The following TRPM8 variants were observed in gnomAD, a reference collection of about 807,000 sequenced individuals.
The protein encoded by TRPM8 is TRPM8 cationic channel.
In TRPM8, 110 loss-of-function variants were observed where a neutral mutation model predicts 133.7. The ratio of observed to expected loss-of-function variants is 0.82; its 90% CI spans 0.70 to 0.96. The LOEUF (loss-of-function observed/expected upper bound fraction) is 0.96, where lower values mean the gene tolerates loss of function less well. Among genes scored for constraint, TRPM8 ranks in the 40% least tolerant of loss-of-function variants. The probability of loss-of-function intolerance (pLI) is 0.00; values close to 1 mark genes in which losing one functional copy is unlikely to be tolerated. For missense variants in TRPM8, 1,291 were observed against 1,379.5 expected, an observed-to-expected ratio of 0.94 and a Z score of 1.02; for synonymous variants, 535 against 532.3, an observed-to-expected ratio of 1.01 and a Z score of -0.07.
chr2:233,960,889 C>T lies in TRPM8; in HGVS notation c.1476C>T (p.Val492=). ...TACGGAAGTTTCTCACCCATGATGT[C>T]CTCACTGAACTCTTCTCCAACCACT... is the stretch of plus-strand genomic sequence containing the variant. ...LNLRKFLTHD[V]LTELFSNHFS... Residue 492 remains valine, a synonymous_variant, in exon 12 of 26, where the codon GTC becomes GTT. Transcript: ENST00000324695. 6.2e-7 allele frequency: 1 copy of T among 1,614,172 alleles called. No individual in the cohort carries two copies. The highest frequency in any genetic ancestry group is 8.5e-7 in the Non-Finnish European group (1 of 1,180,048).
At chr2:233,961,805 T>C (rs1363137207) in intron 12 of TRPM8, among the ~76,000 whole-genome samples, 1 of 151,724 alleles carries the variant, frequency 6.6e-6, no homozygotes, top group Non-Finnish European at 1.5e-5. Flanking sequence ...AATTTTTGTA[T>C]TTTTAGTAGA....
At position 233,953,899 on chromosome 2, in the gene TRPM8, G is replaced by A; in HGVS notation, c.1141-18G>A. ...CCTAAAATCTGTTGGCTGACACTTT[G>A]TTCTTTAATTTCGCCAGCTCAAAGA... On this transcript the variant is annotated intron_variant, in intron 9 of 25. Coordinates refer to ENST00000324695, the MANE Select transcript of TRPM8 (RefSeq NM_024080.5). 1 of 1,599,660 alleles carries A rather than the reference G, an allele frequency of 6.3e-7. No homozygotes were observed. The highest frequency in any genetic ancestry group is 8.5e-7 in the Non-Finnish European group (1 of 1,170,048).
intron 25 of TRPM8, among the ~76,000 whole-genome samples, chr2:234,016,726 G>A (rs1425678266): frequency 6.6e-6 from 1 of 152,100 alleles, no homozygotes; most frequent in African/African-American, 2.4e-5. Context: ...TCCAGGGTGA[G>A]AGCAAGCCAT....
intron 12 of TRPM8, among the ~76,000 whole-genome samples, chr2:233,961,688 G>A (rs1227344528): frequency 6.8e-6 from 1 of 148,040 alleles, no homozygotes; most frequent in African/African-American, 2.5e-5. Context: ...GGAGTGCAGT[G>A]GCCTGATCTG....
intron 24 of TRPM8, among the ~76,000 whole-genome samples, chr2:234,012,434 C>T (rs957472823): frequency 1.3e-5 from 2 of 151,726 alleles, no homozygotes; most frequent in African/African-American, 4.9e-5. Flanking sequence ...GCATGAGCCA[C>T]CACGCCCAGC....
chr2:233,919,011 C>T (rs1691356385), intron 1 of TRPM8, among the ~76,000 whole-genome samples: 1 of 151,578 alleles, frequency 6.6e-6, no homozygotes, highest in Non-Finnish European at 1.5e-5. Flanking sequence ...ATTCAGTGTG[C>T]AAAGGAAAAC....
At chr2:233,927,924 T>TC (rs1691593859) in intron 2 of TRPM8, among the ~76,000 whole-genome samples, 3 of 28,052 alleles carry the variant, frequency 1.1e-4, no homozygotes, top group Admixed American at 5.6e-4. Flanking sequence ...CTCTCTCTCT[T>TC]TCTCTCTCTC....
At position 233,980,248 on chromosome 2, in the gene TRPM8, C is replaced by CT. The variant is rs761976363; in HGVS notation, c.2422dup (p.Tyr808LeufsTer14). Reference sequence around the variant, plus strand: ...GTGGAATGTGATGGACACGCTGGGGCTTTTTTACTTCATAGCAGGAATTGT... The same window carrying CT: ...GTGGAATGTGATGGACACGCTGGGGCTTTTTTTACTTCATAGCAGGAATTGT... On this transcript the variant is annotated frameshift_variant, in exon 18 of 26. Coordinates refer to ENST00000324695, the MANE Select transcript of TRPM8 (RefSeq NM_024080.5). LOFTEE classifies it high-confidence loss of function. The CT allele has an allele frequency of 6.9e-6, 11 of 1,599,978 alleles. No individual in the cohort carries two copies. The African/African-American group carries it at 1.5e-4, about 22-fold the overall frequency.
chr2:234,010,582 C>T lies in TRPM8; in HGVS notation c.3264+2479C>T, dbSNP rs144431825. Among the ~76,000 whole-genome samples, 777 of 152,264 alleles carry T rather than the reference C, an allele frequency of 5.1e-3. 6 individuals carry two copies. The highest frequency in any genetic ancestry group is 7.0e-3 in the Non-Finnish European group (474 of 68,008). On this transcript the variant is annotated intron_variant, in intron 24 of 25. Coordinates refer to ENST00000324695, the MANE Select transcript of TRPM8 (RefSeq NM_024080.5). The stretch of plus-strand genomic sequence containing the variant: ...ATACTGTTTTCCATAATAGCTATAT[C>T]AACTTACCTTCCCACCAATAGTGTA...
At chr2:233,990,880 T>C (rs1020437193) in intron 21 of TRPM8, among the ~76,000 whole-genome samples, 1 of 152,158 alleles carries the variant, frequency 6.6e-6, no homozygotes, top group Non-Finnish European at 1.5e-5. Context: ...AAGTCCCTGA[T>C]ATTAAGGGAA....
chr2:233,975,953 TGA>T (rs1269489346), intron 17 of TRPM8, among the ~76,000 whole-genome samples: 1 of 152,128 alleles, frequency 6.6e-6, no homozygotes, highest in Non-Finnish European at 1.5e-5. Flanking sequence ...CCCAGGAATC[TGA>T]GAGAGAGGAC....
chr2:234,012,506 T>C (rs1211148747), intron 24 of TRPM8, among the ~76,000 whole-genome samples: 1 of 151,972 alleles, frequency 6.6e-6, no homozygotes, highest in Non-Finnish European at 1.5e-5. Flanking sequence ...TGAGTGTGTG[T>C]AGTCTTTAGG....
At chr2:233,994,689 C>A (rs1248439744) in intron 21 of TRPM8, among the ~76,000 whole-genome samples, 1 of 152,092 alleles carries the variant, frequency 6.6e-6, no homozygotes, top group Admixed American at 6.5e-5. Context: ...AGGTATCCGA[C>A]ATTTTTTTTT....
chr2:233,960,778 T>C lies in TRPM8; in HGVS notation c.1365T>C (p.Ser455=), dbSNP rs1423242199. 1.9e-6 allele frequency: 3 copies of C among 1,613,654 alleles called. No homozygotes were observed. Among genetic ancestry groups the C allele is most frequent in the Non-Finnish European group, 2.5e-6 (3 of 1,179,678 alleles). Residue 455 remains serine (S), a splice_region_variant and synonymous_variant, in exon 12 of 26, where the codon TCT becomes TCC. Coordinates refer to ENST00000324695, the MANE Select transcript of TRPM8 (RefSeq NM_024080.5). ...CTGTCTCTGTTCTTTCTCCTTAGTC[T>C]GCTGACCTTCAAGAAGTCATGTTTA... is the stretch of plus-strand genomic sequence containing the variant. ...EIFTNDRRWE[S]ADLQEVMFTA...
chr2:233,965,438 C>T (rs28902178), intron 14 of TRPM8, among the ~76,000 whole-genome samples: 1,724 of 152,282 alleles, frequency 0.011, 25 homozygotes, highest in African/African-American at 0.04. Context: ...ATTCAGTCCT[C>T]GAACAAAGCT....
rs1692215878 is a variant in TRPM8 at position 233,989,132 on chromosome 2, A to G, written c.2939+3267A>G. 6.6e-6 allele frequency among the ~76,000 whole-genome samples: 1 copy of G among 152,204 alleles called. No individual in the cohort carries two copies. On this transcript the variant is annotated intron_variant, in intron 21 of 25. Transcript: ENST00000324695. The surrounding 1 kb of genome is among the most constrained non-coding windows in gnomAD (Gnocchi z 4.2). ...AAATATTTAGAGCTTTTTTGAATCT[A>G]TGCACATGAGCTGTCTGAAGGAGCC...
chr2:233,986,626 C>CA (rs1253415161), intron 21 of TRPM8, among the ~76,000 whole-genome samples: 3 of 152,076 alleles, frequency 2.0e-5, no homozygotes, highest in Non-Finnish European at 4.4e-5. Flanking sequence ...ACTCTTTATT[C>CA]AAAACCAGAA....
intron 13 of TRPM8, 53 bp from the exon 14 acceptor site, chr2:233,964,575 A>G: frequency 2.2e-6 from 3 of 1,351,442 alleles, no homozygotes; most frequent in East Asian, 2.6e-5. Context: ...AAAAAAAAAA[A>G]AAGAAAAGGA....
At chr2:233,994,986 A>G (rs1574773896) in intron 21 of TRPM8, among the ~76,000 whole-genome samples, 1 of 152,326 alleles carries the variant, frequency 6.6e-6, no homozygotes, top group East Asian at 1.9e-4. Flanking sequence ...GGCCCAGTAA[A>G]ATCCTTTTGA....
Sources: allele counts gnomAD v4.1 joint callset (sites outside exome capture counted in the v4.1 genomes callset), GRCh38; gene constraint gnomAD v4.1.1; non-coding constraint Gnocchi (gnomAD v3.1); transcripts MANE v1.5; gene names NCBI Gene and HGNC (gene_info 2026-07-23, HGNC 2026-07-21).